The following PCDHGA2 variants were observed in gnomAD, a reference collection of about 807,000 sequenced individuals.
PCDHGA2 encodes the protein protocadherin gamma-A2.
A neutral mutation model predicts 59.2 loss-of-function variants in PCDHGA2; 40 were observed. That is an observed-to-expected ratio of 0.68 (90% CI 0.52 to 0.88). The LOEUF (loss-of-function observed/expected upper bound fraction) is 0.88. Among genes scored for constraint, PCDHGA2 ranks in the 40% least tolerant of loss-of-function variants. PCDHGA2 has a pLI of 0.00. For missense variants in PCDHGA2, 1,226 were observed against 1,204.0 expected (o/e 1.02, Z -0.27); for synonymous variants, 560 against 526.0 (o/e 1.06, Z -0.89).
At chr5:141,410,254 C>G in intron 1 of PCDHGA2, 1 of 1,614,020 alleles carries the variant, frequency 6.2e-7, no homozygotes, top group Non-Finnish European at 8.5e-7. Flanking sequence ...TCTCTGACCC[C>G]CAGGCTGAAC....
intron 1 of PCDHGA2, among the ~76,000 whole-genome samples, chr5:141,472,145 A>G (rs1376068421): frequency 6.6e-6 from 1 of 152,244 alleles, no homozygotes; most frequent in Non-Finnish European, 1.5e-5. Flanking sequence ...TAAAAGTTTC[A>G]TGGTTACATA....
intron 1 of PCDHGA2, chr5:141,418,495 G>T (rs745982190): frequency 6.2e-7 from 1 of 1,613,974 alleles, no homozygotes; most frequent in South Asian, 1.1e-5. Context: ...ACTTGGTACT[G>T]ACCGCCTTAG....
intron 1 of PCDHGA2, chr5:141,360,307 G>A (rs13171859): frequency 0.11 from 182,138 of 1,613,876 alleles, 11,756 homozygotes; most frequent in Non-Finnish European, 0.13. Flanking sequence ...GGGGCTCAGC[G>A]TCCGGGACTT....
Position 141,340,822 on chromosome 5 carries a change from C to G in PCDHGA2, c.1851C>G (p.Phe617Leu). The change falls in exon 1 of 4, where the codon TTC (phenylalanine) becomes TTG (leucine). Residue 617 changes from phenylalanine to leucine, a missense_variant. By Grantham distance (22) the Phe-to-Leu change is conservative (BLOSUM62 0). Transcript: ENST00000394576. ...HLLKASEPGL[F>L]SVGLHTGEVR... Reference sequence around the variant, plus strand: ...TCAAGGCCAGCGAGCCGGGACTCTTCTCGGTGGGTCTGCACACGGGCGAGG... The same window carrying G: ...TCAAGGCCAGCGAGCCGGGACTCTTGTCGGTGGGTCTGCACACGGGCGAGG... 1 of 1,613,908 alleles carries G rather than the reference C, an allele frequency of 6.2e-7. No homozygotes were observed. The highest frequency in any genetic ancestry group is 8.5e-7 in the Non-Finnish European group (1 of 1,180,016).
intron 1 of PCDHGA2, chr5:141,478,822 T>C: frequency 4.2e-6 from 6 of 1,444,070 alleles, no homozygotes; most frequent in Non-Finnish European, 5.5e-6. Flanking sequence ...AACTAACCAA[T>C]CTTGCTAAGG....
intron 1 of PCDHGA2, among the ~76,000 whole-genome samples, chr5:141,386,507 C>G (rs972515111): frequency 2.0e-5 from 1 of 50,524 alleles, no homozygotes. Context: ...AAGACTCTGT[C>G]TCTTCAAAAA....
At position 141,511,271 on chromosome 5, in the gene PCDHGA2, C is replaced by T. The variant is rs371445452; in HGVS notation, c.*98C>T. ...GCCTCAGAGTTTCAGGGCTAACCCC[C>T]AGAATACTGGTAGGGGCCAAGGCCA... On this transcript the variant is annotated 3_prime_UTR_variant, in exon 4 of 4. Transcript: ENST00000394576. 9.1e-6 allele frequency: 14 copies of T among 1,544,094 alleles called. No individual in the cohort carries two copies. In the African/African-American group the frequency reaches 1.6e-4, roughly 18 times the overall value.
chr5:141,486,401 G>T lies in PCDHGA2; in HGVS notation c.2425-8406G>T. 6.2e-7 allele frequency: 1 copy of T among 1,614,174 alleles called. No individual in the cohort carries two copies. On this transcript the variant is annotated intron_variant, in intron 1 of 3. Transcript: ENST00000394576. The surrounding 1 kb of genome is among the most constrained non-coding windows in gnomAD (Gnocchi z 5.0). ...CAGGAACCAGTTCTCCCTGGTGACT[G>T]CTGGACCCTTGGATCGAGAGGCCAA...
At chr5:141,366,219 G>A (rs888571729) in intron 1 of PCDHGA2, 8 of 1,613,694 alleles carry the variant, frequency 5.0e-6, no homozygotes, top group African/African-American at 1.3e-5. Flanking sequence ...CGCACAGCGC[G>A]AGCCCTGCTG....
At chr5:141,388,619 C>T (rs369637121) in intron 1 of PCDHGA2, 3 of 1,613,852 alleles carry the variant, frequency 1.9e-6, no homozygotes, top group Non-Finnish European at 2.5e-6. Context: ...TCAGTCAAGA[C>T]GTATACAGGG....
chr5:141,403,925 G>A, intron 1 of PCDHGA2: 1 of 1,613,868 alleles, frequency 6.2e-7, no homozygotes, highest in South Asian at 1.1e-5. Flanking sequence ...TGAAGATGGT[G>A]GGGGATTGAA....
In PCDHGA2 at chr5:141,432,967, G is replaced by T; in HGVS notation, c.2425-61840G>T. ...CAGGAGGCGGCTTGACAGGAGCGCC[G>T]GCGTCGCACTTTGTGGGCGTGGACG... On this transcript the variant is annotated intron_variant, in intron 1 of 3. Coordinates refer to ENST00000394576, the MANE Select transcript of PCDHGA2 (RefSeq NM_018915.4). The surrounding 1 kb of genome is among the most constrained non-coding windows in gnomAD (Gnocchi z 6.0). 1 of 1,614,190 alleles carries T rather than the reference G, an allele frequency of 6.2e-7. No homozygotes were observed. The highest frequency in any genetic ancestry group is 2.2e-5 in the East Asian group (1 of 44,854).
chr5:141,487,438 G>A lies in PCDHGA2; in HGVS notation c.2425-7369G>A, dbSNP rs2154580826. 6 of 1,614,174 alleles carry A rather than the reference G, an allele frequency of 3.7e-6. No individual in the cohort carries two copies. Among genetic ancestry groups the A allele is most frequent in the East Asian group, 2.2e-5 (1 of 44,866 alleles). On this transcript the variant is annotated intron_variant, in intron 1 of 3. Transcript: ENST00000394576. This position sits in a 1 kb window ranked among gnomAD's most constrained non-coding sequence, Gnocchi z 5.0. The stretch of plus-strand genomic sequence containing the variant: ...ATGGGATCCTCCGAATCCAGCTAGG[G>A]TCAGATGACCCTATCAAGTTTGTTG...
chr5:141,384,522 T>A, intron 1 of PCDHGA2: 2 of 1,614,192 alleles, frequency 1.2e-6, no homozygotes, highest in Non-Finnish European at 1.7e-6. Flanking sequence ...GGGACCCGCC[T>A]CTCAGCAGCA....
intron 1 of PCDHGA2, chr5:141,377,280 AT>A (rs1037514714): frequency 2.0e-5 from 3 of 151,272 alleles, no homozygotes; most frequent in East Asian, 1.9e-4. Context: ...GGGAAAAAAA[AT>A]AACCTTAATT....
intron 1 of PCDHGA2, among the ~76,000 whole-genome samples, chr5:141,382,132 C>T (rs893026262): frequency 6.6e-6 from 1 of 152,070 alleles, no homozygotes; most frequent in Non-Finnish European, 1.5e-5. Flanking sequence ...CTGGCCCCCC[C>T]TCTCATTTTT....
chr5:141,414,587 G>C (rs775783880), intron 1 of PCDHGA2: 3 of 1,613,828 alleles, frequency 1.9e-6, no homozygotes, highest in Admixed American at 3.3e-5. Context: ...AACAACGCCA[G>C]GGGTGCCTCC....
At chr5:141,374,601 G>A (rs772584663) in intron 1 of PCDHGA2, 1 of 1,613,676 alleles carries the variant, frequency 6.2e-7, no homozygotes, top group Middle Eastern at 1.6e-4. Flanking sequence ...TTTAAGCTCA[G>A]TGGTAATAGT....
chr5:141,399,411 C>G lies in PCDHGA2; in HGVS notation c.2424+58016C>G, dbSNP rs375057054. 3.4e-5 allele frequency: 55 copies of G among 1,613,900 alleles called. No individual in the cohort carries two copies. In the African/African-American group the frequency reaches 5.3e-4, roughly 16 times the overall value. On this transcript the variant is annotated intron_variant, in intron 1 of 3. Transcript: ENST00000394576. ...CCACAGACAGGGGCAAGCCGCCCCT[C>G]TCCTCCAGCATAAGCGTCATCCTAC...
Sources: allele counts gnomAD v4.1 joint callset (sites outside exome capture counted in the v4.1 genomes callset), GRCh38; gene constraint gnomAD v4.1.1; non-coding constraint Gnocchi (gnomAD v3.1); transcripts MANE v1.5; gene names NCBI Gene and HGNC (gene_info 2026-07-23, HGNC 2026-07-21).